PLCG2: variants seen among roughly 807,000 people sequenced by gnomAD.
The protein encoded by PLCG2 is phospholipase C gamma 2.
PLCG2 carries 69 observed loss-of-function variants against 175.6 expected under a neutral mutation model. The ratio of observed to expected loss-of-function variants is 0.39; its 90% confidence interval spans 0.32 to 0.48. The LOEUF (loss-of-function observed/expected upper bound fraction) is 0.48, where lower values mean the gene tolerates loss of function less well. Among genes scored for constraint, PLCG2 ranks in the 20% least tolerant of loss-of-function variants. The pLI is 0.91. For synonymous variants in PLCG2, 827 were observed against 624.0 expected, an observed-to-expected ratio of 1.33 and a Z score of -4.85; for missense variants, 1,798 against 1,650.9, an observed-to-expected ratio of 1.09 and a Z score of -1.54.
chr16:81,930,071 G>A (rs185154021), intron 24 of PLCG2, among the ~76,000 whole-genome samples: 210 of 152,224 alleles, frequency 1.4e-3, no homozygotes, highest in African/African-American at 4.9e-3. Context: ...GCAAAAGCAG[G>A]GTGCCTTTAG....
intron 2 of PLCG2, among the ~76,000 whole-genome samples, chr16:81,799,889 A>G (rs1310361940): frequency 1.3e-5 from 2 of 152,194 alleles, no homozygotes; most frequent in East Asian, 1.9e-4. Context: ...CACTGAGCCC[A>G]GCCTGTTATT....
chr16:81,894,616 T>G (rs762034440), intron 12 of PLCG2, among the ~76,000 whole-genome samples: 3 of 152,254 alleles, frequency 2.0e-5, no homozygotes, highest in African/African-American at 4.8e-5. Context: ...CTCATGCCTG[T>G]AATCCCAGCA....
chr16:81,954,871 G>C (rs1345881357), intron 31 of PLCG2, among the ~76,000 whole-genome samples: 1 of 152,032 alleles, frequency 6.6e-6, no homozygotes. Context: ...GGGATTGCTG[G>C]GTCAAATGGT....
intron 8 of PLCG2, among the ~76,000 whole-genome samples, chr16:81,881,629 A>C (rs1361548914): frequency 6.6e-6 from 1 of 152,190 alleles, no homozygotes; most frequent in Non-Finnish European, 1.5e-5. Context: ...AGTATAAATA[A>C]AATGAATCTA....
chr16:81,767,590 A>T (rs1282041567), intron 2 of PLCG2: 1 of 151,972 alleles, frequency 6.6e-6, no homozygotes, highest in East Asian at 1.9e-4. Flanking sequence ...TTTTTTCTTT[A>T]AAAAATATTA....
chr16:81,808,902 CA>C (rs1388935355), intron 2 of PLCG2, among the ~76,000 whole-genome samples: 2 of 152,194 alleles, frequency 1.3e-5, no homozygotes, highest in African/African-American at 2.4e-5. Context: ...CCCATGAGAT[CA>C]GGGGAGACAT....
At chr16:81,745,542 A>C (rs1909687005) in intron 1 of PLCG2, among the ~76,000 whole-genome samples, 1 of 152,134 alleles carries the variant, frequency 6.6e-6, no homozygotes, top group African/African-American at 2.4e-5. Flanking sequence ...CCATATGGTA[A>C]TTACCAGCTG....
chr16:81,839,621 T>G (rs935025781), intron 2 of PLCG2, among the ~76,000 whole-genome samples: 13 of 152,184 alleles, frequency 8.5e-5, no homozygotes, highest in African/African-American at 3.1e-4. Flanking sequence ...ATTTCATAGT[T>G]TAGAGGTGCC....
intron 15 of PLCG2, 28 bp downstream of exon 15, chr16:81,905,535 C>G (rs769942428): frequency 8.8e-6 from 13 of 1,482,902 alleles, no homozygotes; most frequent in Non-Finnish European, 1.2e-5. Context: ...CCCGTAGCCA[C>G]TGCGGCCACG....
intron 7 of PLCG2, among the ~76,000 whole-genome samples, chr16:81,876,963 A>G (rs1907821950): frequency 6.6e-6 from 1 of 152,188 alleles, no homozygotes; most frequent in African/African-American, 2.4e-5. Flanking sequence ...CTGGGTTGAA[A>G]TTCTGGCCCT....
upstream of PLCG2, among the ~76,000 whole-genome samples, chr16:81,778,032 C>CAAAAAAAAAAAAAAAAAAAAAA (rs566484508): frequency 1.7e-5 from 1 of 58,708 alleles, no homozygotes; most frequent in African/African-American, 8.7e-5. Context: ...AAAAAAAAAA[C>CAAAAAAAAAAAAAAAAAAAAAA]AAAAAAAAAA....
rs71146043 is a variant in PLCG2 at position 81,769,819 on chromosome 16, C to CAA, written c.-48+13879_-48+13880dup. On this transcript the variant is annotated intron_variant, in intron 2 of 5. Transcript: ENST00000565054. Reference sequence around the variant, plus strand: ...TGGGCGACAGAGCGAGACTCCGTCTCAAAAAAAAAAAAAAAAAAAAAAAAA... The same window carrying CAA: ...TGGGCGACAGAGCGAGACTCCGTCTCAAAAAAAAAAAAAAAAAAAAAAAAAAA... Among the ~76,000 whole-genome samples the CAA allele has an allele frequency of 2.6e-3, 196 of 75,670 alleles. 7 individuals carry two copies. The highest frequency in any genetic ancestry group is 1.0e-2 in the African/African-American group (173 of 17,306). The allele number at this position is 75,670 out of a possible 152,430, so 49.6% of individuals were successfully genotyped here.
intron 2 of PLCG2, among the ~76,000 whole-genome samples, chr16:81,810,451 G>T (rs1384344497): frequency 6.6e-6 from 1 of 152,148 alleles, no homozygotes; most frequent in Non-Finnish European, 1.5e-5. Flanking sequence ...TTTGCAACCT[G>T]CAAACCAGTA....
chr16:81,888,484 A>C (rs1022105304), intron 9 of PLCG2, among the ~76,000 whole-genome samples: 2 of 152,172 alleles, frequency 1.3e-5, no homozygotes, highest in Non-Finnish European at 2.9e-5. Context: ...GCCTCGGCCT[A>C]CCAAAGTGGG....
intron 1 of PLCG2, among the ~76,000 whole-genome samples, chr16:81,753,137 G>T (rs966209283): frequency 1.5e-4 from 16 of 104,480 alleles, no homozygotes; most frequent in Non-Finnish European, 3.2e-4. Context: ...TCCCGGCCTC[G>T]CACCCTTCCA....
At chr16:81,806,705 G>T (rs142792946) in intron 2 of PLCG2, among the ~76,000 whole-genome samples, 8 of 152,114 alleles carry the variant, frequency 5.3e-5, no homozygotes, top group African/African-American at 1.9e-4. Context: ...GAGGGTCCAG[G>T]TGTGGGGCTG....
rs1436552479 is a variant in PLCG2 at position 81,959,498 on chromosome 16, A to C, written c.*1500A>C. 2 of 213,136 alleles carry C rather than the reference A, an allele frequency of 9.4e-6. No individual in the cohort carries two copies. Among genetic ancestry groups the C allele is most frequent in the Non-Finnish European group, 1.9e-5 (2 of 105,380 alleles). 13.2% of individuals were successfully genotyped at this position (213,136 alleles called of 1,614,324 possible). On this transcript the variant is annotated 3_prime_UTR_variant, in exon 33 of 33. Coordinates refer to ENST00000564138, the MANE Select transcript of PLCG2 (RefSeq NM_002661.5). ...GGTCTCATCAATCATCTCCATCCAC[A>C]AGCTCCTAAAAGAAAGCCATTTACC... is the stretch of plus-strand genomic sequence containing the variant.
At chr16:81,806,883 C>T (rs906979144) in intron 2 of PLCG2, among the ~76,000 whole-genome samples, 4 of 151,440 alleles carry the variant, frequency 2.6e-5, no homozygotes, top group Non-Finnish European at 4.4e-5. Context: ...GTGATGGGGG[C>T]AGAGTTATGG....
At chr16:81,869,555 T>C (rs1046197367) in intron 6 of PLCG2, among the ~76,000 whole-genome samples, 3 of 152,206 alleles carry the variant, frequency 2.0e-5, no homozygotes, top group African/African-American at 7.2e-5. Flanking sequence ...AGACCTGTTT[T>C]CCATTAGTCC....
Sources: gnomAD v4.1 joint callset for allele counts (sites outside exome capture counted in the v4.1 genomes callset) on GRCh38, gnomAD v4.1.1 for gene constraint, MANE v1.5 for transcripts, NCBI Gene and HGNC (gene_info 2026-07-23, HGNC 2026-07-21) for gene names.